The following LIMS1 variants were observed in gnomAD, a reference collection of about 807,000 sequenced individuals.
LIMS1 encodes LIM and senescent cell antigen-like-containing domain protein 1.
LIMS1 carries 18 observed loss-of-function variants against 44.1 expected under a neutral mutation model. The ratio of observed to expected loss-of-function variants is 0.41; its 90% CI spans 0.28 to 0.61. The LOEUF (loss-of-function observed/expected upper bound fraction) is 0.61, where lower values mean the gene tolerates loss of function less well. Ranked by LOEUF, LIMS1 falls within the 20% of genes least tolerant of loss-of-function variation. The probability of loss-of-function intolerance (pLI) is 0.32; values close to 1 mark genes in which losing one functional copy is unlikely to be tolerated. For synonymous variants in LIMS1, 93 were observed against 149.1 expected (o/e 0.62, Z 2.74); for missense variants, 201 against 422.0 (o/e 0.48, Z 4.59).
intron 1 of LIMS1, among the ~76,000 whole-genome samples, chr2:108,564,041 CAAAA>C (rs201454363): frequency 7.6e-5 from 7 of 92,398 alleles, no homozygotes; most frequent in Non-Finnish European, 1.3e-4. Flanking sequence ...GACCCTGTCT[CAAAA>C]AAAAAAAAAA....
chr2:108,567,628 A>T (rs1231051221), intron 1 of LIMS1, among the ~76,000 whole-genome samples: 1 of 151,974 alleles, frequency 6.6e-6, no homozygotes, highest in African/African-American at 2.4e-5. Context: ...CTGGAGTGCA[A>T]TGTCGTGATC....
chr2:108,606,479 TAGTA>T (rs1687271468), intron 1 of LIMS1, among the ~76,000 whole-genome samples: 1 of 152,210 alleles, frequency 6.6e-6, no homozygotes, highest in South Asian at 2.1e-4. Flanking sequence ...GTGTATACGT[TAGTA>T]AGAAAAAATC....
At chr2:108,663,183 A>G (rs1691494273) in intron 2 of LIMS1, among the ~76,000 whole-genome samples, 3 of 152,112 alleles carry the variant, frequency 2.0e-5, no homozygotes. Flanking sequence ...CAGTGGCACA[A>G]TCATGGCTCA....
chr2:108,627,256 G>GC (rs1312198375), intron 1 of LIMS1, among the ~76,000 whole-genome samples: 2 of 152,144 alleles, frequency 1.3e-5, no homozygotes, highest in Admixed American at 6.5e-5. Flanking sequence ...GCATTTCTCA[G>GC]ATCATATCCT....
intron 2 of LIMS1, chr2:108,662,736 G>A (rs1558835359): frequency 1.6e-5 from 15 of 932,342 alleles, no homozygotes; most frequent in Non-Finnish European, 1.7e-5. Context: ...TACCCAGTTT[G>A]CCTTCCATTT....
At chr2:108,536,851 A>G (rs376593972) in intron 1 of LIMS1, among the ~76,000 whole-genome samples, 2 of 152,252 alleles carry the variant, frequency 1.3e-5, no homozygotes, top group Admixed American at 1.3e-4. Context: ...TCAGCCTCCC[A>G]AAGTGCTGGA....
intron 1 of LIMS1, among the ~76,000 whole-genome samples, chr2:108,563,501 A>T (rs1685194117): frequency 6.6e-6 from 1 of 151,484 alleles, no homozygotes; most frequent in South Asian, 2.1e-4. Context: ...TGGAAGAAGT[A>T]ACTGCAGATG....
chr2:108,544,475 G>C (rs1229335592), intron 1 of LIMS1, among the ~76,000 whole-genome samples: 1 of 152,074 alleles, frequency 6.6e-6, no homozygotes, highest in Admixed American at 6.6e-5. Flanking sequence ...GTGTGTTTCT[G>C]CTCAGCTTCA....
intron 1 of LIMS1, among the ~76,000 whole-genome samples, chr2:108,577,355 G>T (rs796508005): frequency 9.2e-5 from 14 of 152,384 alleles, no homozygotes; most frequent in African/African-American, 3.4e-4. Flanking sequence ...GCGCTTTGCA[G>T]ATGCTGCCTC....
exon 10 of LIMS1, chr2:108,686,458 G>A (rs115081828): frequency 0.026 from 3,918 of 151,600 alleles, 122 homozygotes; most frequent in South Asian, 0.14. Flanking sequence ...TTAGGTATAG[G>A]AGAAGAGGAA....
At chr2:108,554,629 A>C (rs1388096712) in intron 1 of LIMS1, among the ~76,000 whole-genome samples, 2 of 152,178 alleles carry the variant, frequency 1.3e-5, no homozygotes, top group African/African-American at 4.8e-5. Context: ...GCCTCAGGGT[A>C]ATTTGTCACC....
intron 1 of LIMS1, among the ~76,000 whole-genome samples, chr2:108,570,722 G>A (rs1685453861): frequency 6.6e-6 from 1 of 152,172 alleles, no homozygotes; most frequent in Non-Finnish European, 1.5e-5. Flanking sequence ...AGCGGGAGGA[G>A]TTAGCAAGGG....
At chr2:108,590,699 G>A (rs757386333) in intron 1 of LIMS1, among the ~76,000 whole-genome samples, 3 of 152,164 alleles carry the variant, frequency 2.0e-5, no homozygotes, top group Admixed American at 6.5e-5. Context: ...GCAACAGCTC[G>A]AGCAAAGGTT....
chr2:108,603,230 C>G (rs532344912), intron 1 of LIMS1, among the ~76,000 whole-genome samples: 1 of 152,108 alleles, frequency 6.6e-6, no homozygotes, highest in African/African-American at 2.4e-5. Context: ...CTTTAAATGT[C>G]TGGTATAATT....
chr2:108,636,999 T>C (rs796998600), intron 1 of LIMS1, among the ~76,000 whole-genome samples: 14 of 152,330 alleles, frequency 9.2e-5, no homozygotes, highest in African/African-American at 3.4e-4. Flanking sequence ...ATCTAAGTTA[T>C]GGTAGCTGAA....
At chr2:108,681,492 A>G (rs1168310085) in intron 9 of LIMS1, 2 of 979,574 alleles carry the variant, frequency 2.0e-6, no homozygotes, top group Admixed American at 6.2e-5. Context: ...AAAACATTTT[A>G]AAGGATTTTT....
intron 1 of LIMS1, among the ~76,000 whole-genome samples, chr2:108,622,862 A>T (rs1314500308): frequency 1.3e-5 from 2 of 152,126 alleles, no homozygotes; most frequent in Non-Finnish European, 2.9e-5. Context: ...AAAATTCTAA[A>T]CCAACCTTTT....
In LIMS1 at chr2:108,663,764, T is replaced by A. The variant is rs1370957994; in HGVS notation, c.192+4000T>A. On this transcript the variant is annotated intron_variant, in intron 2 of 9. Coordinates refer to ENST00000544547, the Ensembl canonical transcript of LIMS1. ...TTTTAATTTTTTATTTTTATTTTTATTTTTTTTGAGACAGAGTTTCACTCT... is the reference window on the plus strand; with the variant it reads ...TTTTAATTTTTTATTTTTATTTTTAATTTTTTTGAGACAGAGTTTCACTCT... Among the ~76,000 whole-genome samples, 6 of 150,314 alleles carry A rather than the reference T, an allele frequency of 4.0e-5. 1 individual carries two copies. Among genetic ancestry groups the A allele is most frequent in the Admixed American group, 6.7e-5 (1 of 15,006 alleles).
exon 10 of LIMS1, chr2:108,684,219 T>C: frequency 1.1e-5 from 3 of 276,590 alleles, no homozygotes; most frequent in Non-Finnish European, 1.4e-5. Context: ...ATCCATTTGT[T>C]GACATGTAGA....
Sources: gnomAD v4.1 joint callset for allele counts (sites outside exome capture counted in the v4.1 genomes callset) on GRCh38, gnomAD v4.1.1 for gene constraint, MANE v1.5 for transcripts, NCBI Gene and HGNC (gene_info 2026-07-23, HGNC 2026-07-21) for gene names.